The following PCDHGA6 variants were observed in gnomAD, a reference collection of about 807,000 sequenced individuals.
The protein encoded by PCDHGA6 is protocadherin gamma subfamily A, 6.
A neutral mutation model predicts 60.6 loss-of-function variants in PCDHGA6; 41 were observed. That is an observed-to-expected ratio of 0.68 (90% CI 0.53 to 0.88). PCDHGA6 has a LOEUF of 0.88. PCDHGA6 is among the 40% of genes least tolerant of loss of function. The probability of loss-of-function intolerance (pLI) is 0.00; values close to 1 mark genes in which losing one functional copy is unlikely to be tolerated. For synonymous variants in PCDHGA6, 594 were observed against 524.4 expected, an observed-to-expected ratio of 1.13 and a Z score of -1.81; for missense variants, 1,312 against 1,203.0, an observed-to-expected ratio of 1.09 and a Z score of -1.34.
intron 1 of PCDHGA6, chr5:141,424,567 A>T (rs1034112526): frequency 3.3e-5 from 5 of 152,176 alleles, no homozygotes; most frequent in African/African-American, 7.2e-5. Flanking sequence ...CTTCTCAAAA[A>T]CCTATTTTCA....
At chr5:141,428,635 G>A (rs1411119011) in intron 1 of PCDHGA6, 1 of 180,288 alleles carries the variant, frequency 5.5e-6, no homozygotes, top group Non-Finnish European at 1.2e-5. Context: ...TAACTCTGTT[G>A]CTCCTACTCA....
At chr5:141,422,989 C>T (rs777558098) in intron 1 of PCDHGA6, 1 of 1,614,232 alleles carries the variant, frequency 6.2e-7, no homozygotes, top group African/African-American at 1.3e-5. Flanking sequence ...ACCTGGCTAC[C>T]TGGTGACCAA....
At chr5:141,414,904 A>G in intron 1 of PCDHGA6, 2 of 1,614,190 alleles carry the variant, frequency 1.2e-6, no homozygotes, top group Non-Finnish European at 1.7e-6. Context: ...AGACGGTTCC[A>G]CAGGCGTGGA....
At chr5:141,404,410 A>G (rs1343740045) in intron 1 of PCDHGA6, 2 of 1,613,728 alleles carry the variant, frequency 1.2e-6, no homozygotes, top group Non-Finnish European at 1.7e-6. Context: ...AGAATTCTAG[A>G]GTTATTTACT....
At position 141,491,753 on chromosome 5, in the gene PCDHGA6, C is replaced by T. The variant is rs373728953; in HGVS notation, c.2425-3054C>T. On this transcript the variant is annotated intron_variant, in intron 1 of 3. Coordinates refer to ENST00000517434, the MANE Select transcript of PCDHGA6 (RefSeq NM_018919.3). The surrounding 1 kb of genome is among the most constrained non-coding windows in gnomAD (Gnocchi z 6.9). ...ACCCCTGGGGGCGGCACTGGAGAAGCCGCCCGTCCTCATAAGGGATTGAAC... is the reference window on the plus strand; with the variant it reads ...ACCCCTGGGGGCGGCACTGGAGAAGTCGCCCGTCCTCATAAGGGATTGAAC... 4 of 1,585,146 alleles carry T rather than the reference C, an allele frequency of 2.5e-6. No homozygotes were observed. Among genetic ancestry groups the T allele is most frequent in the East Asian group, 2.3e-5 (1 of 43,412 alleles).
At chr5:141,495,984 ATC>A (rs2099765081) in intron 2 of PCDHGA6, among the ~76,000 whole-genome samples, 1 of 149,246 alleles carries the variant, frequency 6.7e-6, no homozygotes, top group East Asian at 2.0e-4. Context: ...CTCTTTCTTT[ATC>A]TCTCTTTTTC....
At chr5:141,393,736 A>G in intron 1 of PCDHGA6, 1 of 1,613,892 alleles carries the variant, frequency 6.2e-7, no homozygotes, top group Non-Finnish European at 8.5e-7. Flanking sequence ...AAAAGTCTAG[A>G]TTATGAAGAA....
At chr5:141,407,276 T>C (rs1393118660) in intron 1 of PCDHGA6, among the ~76,000 whole-genome samples, 2 of 152,292 alleles carry the variant, frequency 1.3e-5, no homozygotes, top group East Asian at 3.9e-4. Context: ...AACAAGAAAA[T>C]TGTTACAATT....
In PCDHGA6 at chr5:141,476,857, C is replaced by G. The variant is rs201408987; in HGVS notation, c.2425-17950C>G. The G allele has an allele frequency of 3.1e-6, 5 of 1,613,886 alleles. No individual in the cohort carries two copies. Among genetic ancestry groups the G allele is most frequent in the Non-Finnish European group, 4.2e-6 (5 of 1,180,046 alleles). On this transcript the variant is annotated intron_variant, in intron 1 of 3. Coordinates refer to ENST00000517434, the MANE Select transcript of PCDHGA6 (RefSeq NM_018919.3). This position sits in a 1 kb window ranked among gnomAD's most constrained non-coding sequence, Gnocchi z 7.6. Reference sequence around the variant, plus strand: ...ACAATGCGCCTGTCTTCAACCAGTCCTTGTACCGGGCGCGCGTCCTGGAGG... The same window carrying G: ...ACAATGCGCCTGTCTTCAACCAGTCGTTGTACCGGGCGCGCGTCCTGGAGG...
At chr5:141,430,902 T>C (rs373775073) in intron 1 of PCDHGA6, 4 of 1,606,232 alleles carry the variant, frequency 2.5e-6, no homozygotes, top group Admixed American at 3.4e-5. Context: ...GTGGGCGACA[T>C]CTCCAGGGAC....
intron 1 of PCDHGA6, chr5:141,392,161 C>T (rs2092476241): frequency 6.6e-6 from 1 of 152,200 alleles, no homozygotes; most frequent in African/African-American, 2.4e-5. Context: ...AAAACAATTT[C>T]TGAGTCAGTC....
intron 1 of PCDHGA6, chr5:141,409,193 TGTAAA>T (rs2095239502): frequency 1.2e-6 from 2 of 1,613,988 alleles, no homozygotes; most frequent in African/African-American, 1.3e-5. Context: ...CTCTACCCAG[TGTAAA>T]GTAATCATAG....
intron 1 of PCDHGA6, chr5:141,423,310 G>A (rs1175296469): frequency 1.2e-6 from 2 of 1,614,180 alleles, no homozygotes; most frequent in Admixed American, 1.7e-5. Flanking sequence ...GCTGTACTTG[G>A]TGGTGGCGGT....
rs1176011355 is a variant in PCDHGA6 at position 141,485,491 on chromosome 5, G to A, written c.2425-9316G>A. The A allele has an allele frequency of 1.2e-6, 2 of 1,614,142 alleles. No individual in the cohort carries two copies. Among genetic ancestry groups the A allele is most frequent in the Non-Finnish European group, 1.7e-6 (2 of 1,180,040 alleles). On this transcript the variant is annotated intron_variant, in intron 1 of 3. Transcript: ENST00000517434. This position sits in a 1 kb window ranked among gnomAD's most constrained non-coding sequence, Gnocchi z 5.7. ...TCAGTGCCAGCTGCATCGTGCCCCT[G>A]GAGTTTGTCACCGAAGGTCCTTTGG...
intron 1 of PCDHGA6, among the ~76,000 whole-genome samples, chr5:141,456,033 G>A (rs1398584179): frequency 6.6e-6 from 1 of 151,884 alleles, no homozygotes; most frequent in Non-Finnish European, 1.5e-5. Flanking sequence ...GAGTAGCTGG[G>A]ACTACAGGCG....
Position 141,374,782 on chromosome 5 carries a change from A to G in PCDHGA6, c.699A>G (p.Leu233=), listed in dbSNP as rs781674966. The G allele has an allele frequency of 1.9e-6, 3 of 1,613,904 alleles. No individual in the cohort carries two copies. The East Asian group carries it at 6.7e-5, about 36-fold the overall frequency. ...TCGCCCAAATTCTGGTAACAGTTCT[A>G]GATGTGAATGACAACACTCCAATGT... ...SSVAQILVTV[L]DVNDNTPMFT... The change falls in exon 1 of 4, where the codon CTA becomes CTG. Residue 233 remains leucine (L), a synonymous_variant. Coordinates refer to ENST00000517434, the MANE Select transcript of PCDHGA6 (RefSeq NM_018919.3).
chr5:141,394,152 G>A lies in PCDHGA6; in HGVS notation c.2424+17645G>A, dbSNP rs141035845. 5.0e-3 allele frequency: 8,040 copies of A among 1,613,782 alleles called. 48 individuals are homozygous for A. Among genetic ancestry groups the A allele is most frequent in the Admixed American group, 9.4e-3 (566 of 59,984 alleles). On this transcript the variant is annotated intron_variant, in intron 1 of 3. Coordinates refer to ENST00000517434, the MANE Select transcript of PCDHGA6 (RefSeq NM_018919.3). ...CGCTCTGCACGTGGCAGACATTAAC[G>A]ACAACCCTCCTACTTTCCCTCATGC...
intron 1 of PCDHGA6, chr5:141,422,273 C>T: frequency 6.4e-7 from 1 of 1,560,808 alleles, no homozygotes; most frequent in Non-Finnish European, 8.6e-7. Flanking sequence ...CCAGAAATAA[C>T]TATCACCTCT....
chr5:141,418,767 C>T (rs770275597), intron 1 of PCDHGA6: 1 of 1,613,850 alleles, frequency 6.2e-7, no homozygotes, highest in Non-Finnish European at 8.5e-7. Flanking sequence ...AACATTCTAA[C>T]TCAGCAGCCT....
Sources: gnomAD v4.1 joint callset for allele counts (sites outside exome capture counted in the v4.1 genomes callset) on GRCh38, gnomAD v4.1.1 for gene constraint, Gnocchi (gnomAD v3.1) non-coding constraint, MANE v1.5 for transcripts, NCBI Gene and HGNC (gene_info 2026-07-23, HGNC 2026-07-21) for gene names.